The following COL22A1 variants were observed in gnomAD, a reference collection of about 807,000 sequenced individuals.
COL22A1 encodes the protein collagen type XXII alpha 1 chain, also known as collagen alpha-1(XXII) chain.
COL22A1 carries 221 observed loss-of-function variants against 248.9 expected under a neutral mutation model. That is an observed-to-expected ratio of 0.89 (90% confidence interval 0.80 to 0.99). The LOEUF (loss-of-function observed/expected upper bound fraction) is 0.99. Ranked by LOEUF, COL22A1 falls within the 50% of genes least tolerant of loss-of-function variation. The pLI, the probability that COL22A1 is intolerant of heterozygous loss-of-function variation, is 0.00. For synonymous variants in COL22A1, 891 were observed against 793.4 expected (o/e 1.12, Z -2.07); for missense variants, 2,240 against 2,179.0 (o/e 1.03, Z -0.56).
chr8:138,635,397 T>G (rs1428539202), intron 48 of COL22A1, among the ~76,000 whole-genome samples: 1 of 152,182 alleles, frequency 6.6e-6, no homozygotes, highest in Non-Finnish European at 1.5e-5. Context: ...TAAATGTTCA[T>G]TTTATTACAG....
intron 12 of COL22A1, among the ~76,000 whole-genome samples, chr8:138,789,967 C>A (rs186466233): frequency 2.0e-5 from 3 of 152,320 alleles, no homozygotes; most frequent in Admixed American, 2.0e-4. Context: ...TTCTGCATGG[C>A]TGCTATTGCT....
intron 26 of COL22A1, 108 bp downstream of exon 26, chr8:138,721,928 C>T (rs1255537995): frequency 4.5e-6 from 4 of 879,692 alleles, no homozygotes; most frequent in African/African-American, 1.7e-5. Flanking sequence ...GAATCCTGAT[C>T]GAAGACCCAG....
At chr8:138,844,673 G>A (rs563886268) in intron 3 of COL22A1, among the ~76,000 whole-genome samples, 116 of 151,874 alleles carry the variant, frequency 7.6e-4, no homozygotes, top group African/African-American at 2.7e-3. Flanking sequence ...GCACATGTCC[G>A]GGCGCGGTGG....
rs137878024 is a variant in COL22A1 at position 138,701,781 on chromosome 8, C to T, written c.2559+1525G>A. ...TAGTGAATGTCAGGACAGAAACTGG[C>T]GTCCACATAGGTGGCCTGGGGAGCC... On this transcript the variant is annotated intron_variant, in intron 31 of 64. Transcript: ENST00000303045. Among the ~76,000 whole-genome samples the T allele has an allele frequency of 4.7e-4, 71 of 152,318 alleles. 2 individuals are homozygous for T. In the East Asian group the frequency reaches 7.7e-3, roughly 17 times the overall value.
rs963001095 is a variant in COL22A1, at chr8:138,799,099, G to A, written c.1558-2242C>T. Among the ~76,000 whole-genome samples, 10 of 151,950 alleles carry A rather than the reference G, an allele frequency of 6.6e-5. 1 individual carries two copies. Among genetic ancestry groups the A allele is most frequent in the Admixed American group, 3.3e-4 (5 of 15,256 alleles). On this transcript the variant is annotated intron_variant, in intron 11 of 64. Transcript: ENST00000303045. Reference sequence around the variant, plus strand: ...TCAAGAATTCTGATCTTTCTTTTGAGCCCCTCTAGTTTTTTCTATTTCATT... The same window carrying A: ...TCAAGAATTCTGATCTTTCTTTTGAACCCCTCTAGTTTTTTCTATTTCATT...
chr8:138,747,919 A>G (rs546885182), intron 22 of COL22A1, among the ~76,000 whole-genome samples: 19 of 152,324 alleles, frequency 1.2e-4, no homozygotes, highest in South Asian at 4.1e-4. Flanking sequence ...AGAGTCCCCA[A>G]TAAGATGCCA....
rs752241658 is a variant in COL22A1, at chr8:138,821,196, G to A, written c.1185C>T (p.Asn395=). ...TCACAGTCTTGCCCTGGATGTCAATGTTCTCCCGTTCCTCGATGGGTAGTG... is the reference window on the plus strand; with the variant it reads ...TCACAGTCTTGCCCTGGATGTCAATATTCTCCCGTTCCTCGATGGGTAGTG... ...VQTLPIEERE[N]IDIQGKTVIG... The change falls in exon 7 of 65, where the codon AAC becomes AAT. Residue 395 remains asparagine, a synonymous_variant. Transcript: ENST00000303045. 5.6e-6 allele frequency: 9 copies of A among 1,614,086 alleles called. No homozygotes were observed. In the East Asian group the frequency reaches 1.1e-4, roughly 20 times the overall value.
At position 138,714,212 on chromosome 8, in the gene COL22A1, G is replaced by A. The variant is rs143139232; in HGVS notation, c.2517+1470C>T. On this transcript the variant is annotated intron_variant, in intron 30 of 64. Transcript: ENST00000303045. ...CTGGGCTGGCCATGCAGTCCCACCC[G>A]TGGTTCTGTAGGTTAGGCGTGTATC... Among the ~76,000 whole-genome samples, 931 of 152,282 alleles carry A rather than the reference G, an allele frequency of 6.1e-3. 5 individuals are homozygous for A. The highest frequency in any genetic ancestry group is 0.01 in the Non-Finnish European group (685 of 68,022).
chr8:138,805,264 GCA>G (rs1817413014), intron 10 of COL22A1, among the ~76,000 whole-genome samples: 1 of 140,846 alleles, frequency 7.1e-6, no homozygotes, highest in East Asian at 2.1e-4. Context: ...ATGTGAGCAT[GCA>G]TGTGTGTGTG....
chr8:138,900,639 G>T (rs1456669410), intron 1 of COL22A1, among the ~76,000 whole-genome samples: 1 of 152,306 alleles, frequency 6.6e-6, no homozygotes, highest in East Asian at 1.9e-4. Context: ...TTAAACCTGG[G>T]CTCCAAGTGA....
At chr8:138,788,652 A>G (rs1028162872) in intron 12 of COL22A1, among the ~76,000 whole-genome samples, 1 of 152,078 alleles carries the variant, frequency 6.6e-6, no homozygotes. Flanking sequence ...CTCAGTGGGG[A>G]GGCTGAAGAG....
chr8:138,762,533 C>T, intron 16 of COL22A1, 67 bp from the exon 17 acceptor site: 1 of 1,466,340 alleles, frequency 6.8e-7, no homozygotes, highest in South Asian at 1.1e-5. Flanking sequence ...CAGCACACAT[C>T]CCCACAGTGA....
At chr8:138,882,427 CA>C in intron 2 of COL22A1, among the ~76,000 whole-genome samples, 1 of 151,420 alleles carries the variant, frequency 6.6e-6, no homozygotes, top group South Asian at 2.1e-4. Flanking sequence ...CACACTCCCT[CA>C]CACACTTCCT....
chr8:138,899,015 C>A (rs189676690), intron 1 of COL22A1, among the ~76,000 whole-genome samples: 5 of 152,306 alleles, frequency 3.3e-5, no homozygotes, highest in African/African-American at 9.6e-5. Context: ...GGTACAGCTT[C>A]AGCCACATGC....
intron 27 of COL22A1, among the ~76,000 whole-genome samples, chr8:138,718,132 G>T (rs1387873796): frequency 6.7e-6 from 1 of 149,740 alleles, no homozygotes; most frequent in African/African-American, 2.4e-5. Flanking sequence ...AAAAAAAAAA[G>T]AAGTAATTAA....
chr8:138,888,243 G>T (rs1317834883), intron 1 of COL22A1, among the ~76,000 whole-genome samples: 1 of 152,170 alleles, frequency 6.6e-6, no homozygotes, highest in Non-Finnish European at 1.5e-5. Flanking sequence ...CACACCAGGG[G>T]GAGGGAGGAT....
chr8:138,664,199 GCGCGCGCGCGCACACA>G (rs1824255621), intron 41 of COL22A1, among the ~76,000 whole-genome samples: 1 of 74,558 alleles, frequency 1.3e-5, no homozygotes, highest in Admixed American at 1.3e-4. Context: ...AGGGGTGCGC[GCGCGCGCGCGCACACA>G]CACACACACA....
intron 3 of COL22A1, 35 bp from the exon 4 acceptor site, chr8:138,844,193 A>C: frequency 6.3e-7 from 1 of 1,593,204 alleles, no homozygotes; most frequent in Middle Eastern, 1.7e-4. Context: ...GACTGATGAG[A>C]AAATGTGACC....
chr8:138,694,155 T>C (rs1827305379), intron 34 of COL22A1, among the ~76,000 whole-genome samples: 1 of 152,218 alleles, frequency 6.6e-6, no homozygotes, highest in African/African-American at 2.4e-5. Flanking sequence ...CCATTTCCTG[T>C]TCTGCAAATC....
Sources: allele counts gnomAD v4.1 joint callset (sites outside exome capture counted in the v4.1 genomes callset), GRCh38; gene constraint gnomAD v4.1.1; transcripts MANE v1.5; gene names NCBI Gene and HGNC (gene_info 2026-07-23, HGNC 2026-07-21).